Variants in BBS9 observed in about 807,000 individuals in gnomAD.
BBS9 encodes the protein protein PTHB1.
A neutral mutation model predicts 117.7 loss-of-function variants in BBS9; 89 were observed. That is an observed-to-expected ratio of 0.76 (90% CI 0.64 to 0.90). The LOEUF (loss-of-function observed/expected upper bound fraction) is 0.90. Ranked by LOEUF, BBS9 falls within the 40% of genes least tolerant of loss-of-function variation. The probability of loss-of-function intolerance (pLI) is 0.00; values close to 1 mark genes in which losing one functional copy is unlikely to be tolerated. For missense variants in BBS9, 982 were observed against 1,042.2 expected (o/e 0.94, Z 0.80); for synonymous variants, 379 against 370.9 (o/e 1.02, Z -0.25).
intron 20 of BBS9, among the ~76,000 whole-genome samples, chr7:33,517,386 G>A (rs1446452503): frequency 6.6e-6 from 1 of 152,132 alleles, no homozygotes; most frequent in Admixed American, 6.5e-5. Flanking sequence ...TTTTGCCTGA[G>A]GGCTATCCCT....
chr7:33,264,102 G>A (rs1798401204), intron 6 of BBS9, among the ~76,000 whole-genome samples, 188 bp from the exon 7 acceptor site: 1 of 151,918 alleles, frequency 6.6e-6, no homozygotes, highest in East Asian at 1.9e-4. Flanking sequence ...TCTTTATCAT[G>A]ACATTTTACA....
At chr7:33,374,577 A>G (rs573900704) in intron 17 of BBS9, among the ~76,000 whole-genome samples, 18 of 152,298 alleles carry the variant, frequency 1.2e-4, no homozygotes, top group African/African-American at 4.1e-4. Flanking sequence ...TTAGTTGCTA[A>G]TATTGAAGAG....
chr7:33,376,828 G>A (rs1480348293), intron 17 of BBS9, among the ~76,000 whole-genome samples: 1 of 151,958 alleles, frequency 6.6e-6, no homozygotes, highest in African/African-American at 2.4e-5. Flanking sequence ...TGTGCTTGTT[G>A]GCCATATGTA....
At chr7:33,507,155 T>A (rs1227011702) in intron 20 of BBS9, among the ~76,000 whole-genome samples, 1 of 152,222 alleles carries the variant, frequency 6.6e-6, no homozygotes, top group Non-Finnish European at 1.5e-5. Flanking sequence ...TTAGCAATCA[T>A]TACTGGAAGT....
intron 21 of BBS9, among the ~76,000 whole-genome samples, chr7:33,568,042 G>C (rs1857186028): frequency 6.6e-6 from 1 of 152,112 alleles, no homozygotes. Flanking sequence ...AGAACACATA[G>C]AAAGAACTTC....
chr7:33,370,415 A>G (rs1423229211), intron 17 of BBS9, among the ~76,000 whole-genome samples: 3 of 152,164 alleles, frequency 2.0e-5, no homozygotes, highest in Non-Finnish European at 2.9e-5. Context: ...GGCTGCAGTG[A>G]GCTGAGATTG....
chr7:33,440,905 G>C (rs916891359), intron 19 of BBS9, among the ~76,000 whole-genome samples: 1 of 152,140 alleles, frequency 6.6e-6, no homozygotes, highest in African/African-American at 2.4e-5. Flanking sequence ...TGGGGAGGGA[G>C]AGGCATTAAC....
intron 17 of BBS9, among the ~76,000 whole-genome samples, chr7:33,370,224 A>G (rs1489366788): frequency 6.6e-6 from 1 of 152,100 alleles, no homozygotes; most frequent in African/African-American, 2.4e-5. Flanking sequence ...TTGGGAGGCC[A>G]AGGTGGGAGG....
intron 19 of BBS9, among the ~76,000 whole-genome samples, chr7:33,409,112 T>G (rs1830637473): frequency 6.6e-6 from 1 of 152,212 alleles, no homozygotes. Context: ...GGTTGTATGT[T>G]TCTTCTGTTG....
chr7:33,216,123 C>A (rs907723650), intron 5 of BBS9, among the ~76,000 whole-genome samples: 2 of 152,186 alleles, frequency 1.3e-5, no homozygotes, highest in African/African-American at 4.8e-5. Flanking sequence ...CAAGGCAATG[C>A]ATATTTCTGA....
intron 19 of BBS9, among the ~76,000 whole-genome samples, chr7:33,432,775 G>A (rs1834710593): frequency 6.6e-6 from 1 of 150,734 alleles, no homozygotes; most frequent in Non-Finnish European, 1.5e-5. Context: ...TTTATGATAA[G>A]CATGCTTTTC....
At chr7:33,232,233 T>C (rs1283390296) in intron 5 of BBS9, among the ~76,000 whole-genome samples, 1 of 152,174 alleles carries the variant, frequency 6.6e-6, no homozygotes, top group Non-Finnish European at 1.5e-5. Flanking sequence ...GTTATCATAG[T>C]CAGATGTTTT....
intron 21 of BBS9, among the ~76,000 whole-genome samples, chr7:33,554,176 T>C (rs780553664): frequency 6.6e-6 from 1 of 152,122 alleles, no homozygotes; most frequent in Non-Finnish European, 1.5e-5. Context: ...GTAATGTTCC[T>C]TACCTCTCAT....
chr7:33,216,987 C>T (rs1789196395), intron 5 of BBS9, among the ~76,000 whole-genome samples: 1 of 152,024 alleles, frequency 6.6e-6, no homozygotes, highest in African/African-American at 2.4e-5. Context: ...CCCAGCTACT[C>T]AGGAGGCTGA....
chr7:33,182,435 A>G (rs1281111856), intron 5 of BBS9, among the ~76,000 whole-genome samples: 1 of 152,174 alleles, frequency 6.6e-6, no homozygotes, highest in Non-Finnish European at 1.5e-5. Context: ...CCTTACTTAA[A>G]ATCTAACGGC....
At chr7:33,290,044 C>CAA (rs202030600) in intron 9 of BBS9, among the ~76,000 whole-genome samples, 1 of 141,900 alleles carries the variant, frequency 7.0e-6, no homozygotes. Flanking sequence ...GACTCTATCT[C>CAA]AAAAAAAAAA....
intron 5 of BBS9, chr7:33,242,945 T>G (rs745584650): frequency 1.9e-6 from 1 of 518,756 alleles, no homozygotes; most frequent in African/African-American, 1.9e-5. Context: ...ACCAGCTGTG[T>G]GTCCTTTAAT....
At chr7:33,284,124 C>T (rs1215354219) in intron 9 of BBS9, among the ~76,000 whole-genome samples, 9 of 152,138 alleles carry the variant, frequency 5.9e-5, no homozygotes, top group East Asian at 5.8e-4. Flanking sequence ...AATCTCATTC[C>T]GTTAGTCTAG....
intron 15 of BBS9, among the ~76,000 whole-genome samples, chr7:33,354,588 A>G (rs1378155846): frequency 1.3e-5 from 2 of 152,126 alleles, no homozygotes; most frequent in Non-Finnish European, 2.9e-5. Flanking sequence ...CCCTGGAAAG[A>G]GTTCTAAAGG....
Sources: allele counts gnomAD v4.1 joint callset (sites outside exome capture counted in the v4.1 genomes callset), GRCh38; gene constraint gnomAD v4.1.1; transcripts MANE v1.5; gene names NCBI Gene and HGNC (gene_info 2026-07-23, HGNC 2026-07-21).